CCDC178: variants seen among roughly 807,000 people sequenced by gnomAD.
The protein encoded by CCDC178 is coiled-coil domain containing 178.
A neutral mutation model predicts 117.4 loss-of-function variants in CCDC178; 126 were observed. The observed-to-expected ratio is 1.07, with a 90% CI of 0.93 to 1.24. The LOEUF is 1.24. Among genes scored for constraint, CCDC178 ranks in the 50% most tolerant of loss-of-function variants. The pLI is 0.00. For synonymous variants in CCDC178, 283 were observed against 313.4 expected, an observed-to-expected ratio of 0.90 and a Z score of 1.02; for missense variants, 1,030 against 986.9, an observed-to-expected ratio of 1.04 and a Z score of -0.59.
intron 6 of CCDC178, among the ~76,000 whole-genome samples, chr18:33,369,708 T>C (rs1035778669): frequency 6.6e-6 from 1 of 151,942 alleles, no homozygotes; most frequent in Non-Finnish European, 1.5e-5. Context: ...ATACACCAAT[T>C]TAATCATCTA....
chr18:33,073,972 G>A (rs555515678), intron 21 of CCDC178, among the ~76,000 whole-genome samples: 3 of 151,920 alleles, frequency 2.0e-5, no homozygotes, highest in East Asian at 1.9e-4. Context: ...TATACAGCTC[G>A]AAGCATCTGG....
chr18:33,026,784 G>A (rs1265171227), intron 21 of CCDC178, among the ~76,000 whole-genome samples: 1 of 151,624 alleles, frequency 6.6e-6, no homozygotes, highest in African/African-American at 2.4e-5. Context: ...TAAGACAAAT[G>A]AAGAAAAAAA....
At chr18:33,196,540 T>C (rs556231597) in intron 20 of CCDC178, among the ~76,000 whole-genome samples, 1 of 152,294 alleles carries the variant, frequency 6.6e-6, no homozygotes, top group African/African-American at 2.4e-5. Flanking sequence ...GTGGGACCCC[T>C]AAATTTGTAG....
intron 20 of CCDC178, among the ~76,000 whole-genome samples, chr18:33,155,164 C>T (rs2058379955): frequency 6.6e-6 from 1 of 152,010 alleles, no homozygotes; most frequent in Non-Finnish European, 1.5e-5. Flanking sequence ...AACGTATGTT[C>T]TCTGACCAAC....
At chr18:33,085,282 G>A (rs974155315) in intron 21 of CCDC178, among the ~76,000 whole-genome samples, 11 of 152,138 alleles carry the variant, frequency 7.2e-5, no homozygotes, top group African/African-American at 2.4e-4. Flanking sequence ...GTATTTTTGG[G>A]GCCGGGTACG....
intron 20 of CCDC178, among the ~76,000 whole-genome samples, chr18:33,097,424 G>A (rs184983906): frequency 2.5e-3 from 379 of 152,142 alleles, no homozygotes; most frequent in African/African-American, 8.8e-3. Flanking sequence ...TGCCATCCCC[G>A]CTCGGCCTTG....
rs2058862171 is a variant in CCDC178 at position 33,191,852 on chromosome 18, A to G, written c.2238+20044T>C. Among the ~76,000 whole-genome samples the G allele has an allele frequency of 2.0e-5, 3 of 152,176 alleles. No individual in the cohort carries two copies. In the South Asian group the frequency reaches 6.2e-4, roughly 31 times the overall value. On this transcript the variant is annotated intron_variant, in intron 20 of 22. Transcript: ENST00000383096. ...GTGAGATAAATATCTATATTTAAGT[A>G]AAAATTATTTTGAGTGATGATATAT...
intron 21 of CCDC178, among the ~76,000 whole-genome samples, chr18:33,077,928 TA>T (rs1344768307): frequency 3.9e-5 from 6 of 152,242 alleles, no homozygotes; most frequent in African/African-American, 1.4e-4. Flanking sequence ...CAACTCATTC[TA>T]TGAAGCCAGC....
rs114172294 is a variant in CCDC178 at position 33,425,191 on chromosome 18, T to C, written c.-22-13081A>G. Among the ~76,000 whole-genome samples, 1,468 of 152,074 alleles carry C rather than the reference T, an allele frequency of 9.7e-3. 25 individuals are homozygous for C. The highest frequency in any genetic ancestry group is 0.033 in the African/African-American group (1,372 of 41,474). ...AAACATAACAAATAAGACCACAGAA[T>C]ACACAAACAATCGAGCAAGGCAGCA... On this transcript the variant is annotated intron_variant, in intron 2 of 22. Coordinates refer to ENST00000383096, the MANE Select transcript of CCDC178 (RefSeq NM_001105528.4).
At chr18:33,264,679 G>A (rs1000885389) in intron 14 of CCDC178, among the ~76,000 whole-genome samples, 15 of 151,832 alleles carry the variant, frequency 9.9e-5, no homozygotes, top group Admixed American at 2.6e-4. Flanking sequence ...AATTCACTAC[G>A]TCTATTCTTG....
intron 20 of CCDC178, among the ~76,000 whole-genome samples, chr18:33,146,393 A>G (rs1253314630): frequency 6.6e-6 from 1 of 152,232 alleles, no homozygotes; most frequent in African/African-American, 2.4e-5. Flanking sequence ...GCTTCCTTGC[A>G]TATTTTAAAA....
At chr18:33,311,283 C>T (rs1024517303) in intron 11 of CCDC178, among the ~76,000 whole-genome samples, 2 of 152,204 alleles carry the variant, frequency 1.3e-5, no homozygotes, top group East Asian at 3.9e-4. Context: ...TCTCAGAGCA[C>T]ATCAGACATT....
intron 11 of CCDC178, among the ~76,000 whole-genome samples, chr18:33,318,834 A>G (rs1225012052): frequency 6.6e-6 from 1 of 152,178 alleles, no homozygotes; most frequent in African/African-American, 2.4e-5. Flanking sequence ...TCAAATGGTC[A>G]GCTTCCTTCT....
At chr18:33,120,584 C>A (rs1194499891) in intron 20 of CCDC178, among the ~76,000 whole-genome samples, 1 of 152,074 alleles carries the variant, frequency 6.6e-6, no homozygotes, top group African/African-American at 2.4e-5. Flanking sequence ...TGGAAAAGAA[C>A]CATGACCAGC....
At chr18:33,015,425 C>T (rs768027584) in intron 21 of CCDC178, among the ~76,000 whole-genome samples, 1 of 151,110 alleles carries the variant, frequency 6.6e-6, no homozygotes, top group Admixed American at 6.6e-5. Context: ...CTTAGCCGGG[C>T]GTGGTGGCAG....
chr18:33,412,060 G>T lies in CCDC178; in HGVS notation c.29C>A (p.Ser10Tyr). 1 of 1,509,816 alleles carries T rather than the reference G, an allele frequency of 6.6e-7. No individual in the cohort carries two copies. Among genetic ancestry groups the T allele is most frequent in the Non-Finnish European group, 9.1e-7 (1 of 1,096,584 alleles). 93.5% of individuals were successfully genotyped at this position (1,509,816 alleles called of 1,614,324 possible). ...ATTGGTTTGATCATCTCTAGTGGAA[G>T]AAGAGGAAACTGTCTTGTTTTCAGT... MTENKTVSS[S>Y]STRDDQTNIG... Residue 10 changes from serine to tyrosine, a missense_variant, in exon 3 of 23, where the codon TCT (serine) becomes TAT (tyrosine). Transcript: ENST00000383096.
Position 33,243,681 on chromosome 18 carries a change from T to G in CCDC178, c.1593+1564A>C, listed in dbSNP as rs953877203. Reference sequence around the variant, plus strand: ...AAATTTAGAAAAATAAATAATCCAGTGCAACATCTCTTTCATAAGTGAGTA... The same window carrying G: ...AAATTTAGAAAAATAAATAATCCAGGGCAACATCTCTTTCATAAGTGAGTA... On this transcript the variant is annotated intron_variant, in intron 15 of 22. Coordinates refer to ENST00000383096, the MANE Select transcript of CCDC178 (RefSeq NM_001105528.4). Among the ~76,000 whole-genome samples, 11 of 151,876 alleles carry G rather than the reference T, an allele frequency of 7.2e-5. No homozygotes were observed. In the East Asian group the frequency reaches 9.6e-4, roughly 13 times the overall value.
chr18:33,343,998 G>C (rs1452305219), intron 9 of CCDC178, among the ~76,000 whole-genome samples: 1 of 152,104 alleles, frequency 6.6e-6, no homozygotes, highest in African/African-American at 2.4e-5. Flanking sequence ...GTTTCAAAGA[G>C]AAAGCTATTA....
At chr18:33,211,477 TTTCTACAGGAGAAGA>T (rs762509099) in intron 20 of CCDC178, among the ~76,000 whole-genome samples, 2 of 151,756 alleles carry the variant, frequency 1.3e-5, no homozygotes, top group Non-Finnish European at 2.9e-5. Flanking sequence ...ATGCAAAATT[TTTCTACAGGAGAAGA>T]GCGTGACATA....
Sources: gnomAD v4.1 joint callset for allele counts (sites outside exome capture counted in the v4.1 genomes callset) on GRCh38, gnomAD v4.1.1 for gene constraint, MANE v1.5 for transcripts, NCBI Gene and HGNC (gene_info 2026-07-23, HGNC 2026-07-21) for gene names.